The following TRIM37 variants were observed in gnomAD, a reference collection of about 807,000 sequenced individuals.
TRIM37 encodes E3 ubiquitin-protein ligase TRIM37.
In TRIM37, 80 loss-of-function variants were observed where a neutral mutation model predicts 129.8. That is an observed-to-expected ratio of 0.62 (90% CI 0.51 to 0.74). The LOEUF is 0.74. Ranked by LOEUF, TRIM37 falls within the 30% of genes least tolerant of loss-of-function variation. The pLI is 0.00. For missense variants in TRIM37, 1,054 were observed against 1,176.5 expected (o/e 0.90, Z 1.52); for synonymous variants, 389 against 387.1 (o/e 1.00, Z -0.06).
intron 6 of TRIM37, among the ~76,000 whole-genome samples, chr17:59,080,791 C>CA (rs1300839111): frequency 2.0e-5 from 3 of 150,924 alleles, no homozygotes; most frequent in South Asian, 2.1e-4. Context: ...AACTCCATCT[C>CA]AAAAAAAAGA....
At chr17:58,976,378 A>C in the TRIM37 span, among the ~76,000 whole-genome samples, 1 of 152,194 alleles carries the variant, frequency 6.6e-6, no homozygotes, top group South Asian at 2.1e-4. Context: ...CCATTTACCA[A>C]AATCCAGTAG....
At chr17:59,103,624 G>A (rs2045726841) in intron 2 of TRIM37, among the ~76,000 whole-genome samples, 1 of 145,326 alleles carries the variant, frequency 6.9e-6, no homozygotes, top group Non-Finnish European at 1.5e-5. Flanking sequence ...ACAGGCCTGG[G>A]CCACCGCGCT....
At chr17:58,972,569 T>G in the TRIM37 span, among the ~76,000 whole-genome samples, 1 of 152,208 alleles carries the variant, frequency 6.6e-6, no homozygotes, top group Admixed American at 6.5e-5. Flanking sequence ...CAGGCTGGTC[T>G]TGAACTCCTG....
chr17:59,049,316 A>T lies in TRIM37; in HGVS notation c.1392T>A (p.Asn464Lys). The part of the protein sequence containing the change: ...SPPDNHLSPQ[N>K]DDALETRAKK... Reference sequence around the variant, plus strand: ...TAGCTCGTGTCTCCAGAGCATCATCATTTTGGGGGCTAAGATGGTTATCTG... The same window carrying T: ...TAGCTCGTGTCTCCAGAGCATCATCTTTTTGGGGGCTAAGATGGTTATCTG... The change falls in exon 15 of 24, where the codon AAT (asparagine) becomes AAA (lysine). Residue 464 changes from asparagine (N) to lysine (K), a missense_variant. Physicochemically the swap from Asn to Lys is moderately conservative, Grantham distance 94. Around this residue, in one of 3 missense-constraint regions of TRIM37, gnomAD observed 752 missense variants for 870.8 expected, o/e 0.86. Coordinates refer to ENST00000262294, the MANE Select transcript of TRIM37 (RefSeq NM_015294.6). 1 of 1,614,144 alleles carries T rather than the reference A, an allele frequency of 6.2e-7. No individual in the cohort carries two copies.
intron 5 of TRIM37, among the ~76,000 whole-genome samples, chr17:59,081,964 A>AAAAAAAAAAAAAAATAAT (rs1568200247): frequency 3.4e-5 from 3 of 87,216 alleles, no homozygotes; most frequent in Non-Finnish European, 6.5e-5. Context: ...AAAAAAAAAA[A>AAAAAAAAAAAAAAATAAT]AATAATAATA....
chr17:59,069,450 G>C (rs2146722570), intron 9 of TRIM37, among the ~76,000 whole-genome samples: 2 of 152,166 alleles, frequency 1.3e-5, no homozygotes, highest in Non-Finnish European at 2.9e-5. Context: ...AAAAAGAAAA[G>C]GCAGCTCAAC....
chr17:59,083,787 T>TA (rs2147119128), intron 5 of TRIM37, among the ~76,000 whole-genome samples: 1 of 152,304 alleles, frequency 6.6e-6, no homozygotes, highest in South Asian at 2.1e-4. Flanking sequence ...TTATAGGTGT[T>TA]ACAGATTAAA....
At chr17:59,041,720 A>G in intron 17 of TRIM37, 93 bp downstream of exon 17, 4 of 917,284 alleles carry the variant, frequency 4.4e-6, no homozygotes, top group Non-Finnish European at 7.2e-6. Context: ...ACCATGTACA[A>G]GCAGTGGCTA....
intron 17 of TRIM37, among the ~76,000 whole-genome samples, chr17:59,040,963 G>A (rs1347766343): frequency 5.3e-5 from 8 of 151,810 alleles, no homozygotes; most frequent in South Asian, 2.1e-4. Flanking sequence ...GGAGAATGGC[G>A]TGAACCCGGG....
rs370826587 is a variant in TRIM37 at position 59,057,480 on chromosome 17, T to C, written c.1020-426A>G. On this transcript the variant is annotated intron_variant, in intron 12 of 23. Transcript: ENST00000262294. ...ACCTTGGCCTCCCAGTGTGCTGGGA[T>C]TGCAGGCGTGAGCCACCACACCCGG... 1.8e-4 allele frequency among the ~76,000 whole-genome samples: 27 copies of C among 152,342 alleles called. No homozygotes were observed. The South Asian group carries it at 5.0e-3, about 28-fold the overall frequency.
intron 2 of TRIM37, among the ~76,000 whole-genome samples, chr17:59,093,671 T>A (rs905548882): frequency 6.6e-6 from 1 of 152,194 alleles, no homozygotes; most frequent in African/African-American, 2.4e-5. Flanking sequence ...CCAGATCGTA[T>A]TTTAAATGTC....
intron 19 of TRIM37, among the ~76,000 whole-genome samples, chr17:59,023,603 C>T (rs1407716546): frequency 1.3e-5 from 2 of 151,702 alleles, no homozygotes; most frequent in Non-Finnish European, 2.9e-5. Context: ...TGCAGTAAGC[C>T]GAGATAGAGC....
chr17:58,990,468 G>T (rs971242046), intron 24 of TRIM37, among the ~76,000 whole-genome samples: 10 of 151,550 alleles, frequency 6.6e-5, no homozygotes, highest in Non-Finnish European at 1.5e-4. Context: ...TCCAGCCCAG[G>T]TGACAGAGTG....
At chr17:59,047,579 T>C in intron 16 of TRIM37, 104 bp downstream of exon 16, 1 of 1,178,408 alleles carries the variant, frequency 8.5e-7, no homozygotes, top group Non-Finnish European at 1.2e-6. Flanking sequence ...TGATTCAATC[T>C]TTCAAAAAAG....
At chr17:59,050,523 C>T (rs1291237512) in intron 14 of TRIM37, among the ~76,000 whole-genome samples, 1 of 151,718 alleles carries the variant, frequency 6.6e-6, no homozygotes, top group African/African-American at 2.4e-5. Context: ...AGAAACCCAT[C>T]TCCACAAAAA....
chr17:59,097,321 T>C (rs1036638840), intron 2 of TRIM37, among the ~76,000 whole-genome samples: 3 of 151,958 alleles, frequency 2.0e-5, no homozygotes, highest in Admixed American at 1.3e-4. Flanking sequence ...AAATAAAAAG[T>C]ATCCTAATTA....
At chr17:59,026,903 T>C (rs1359467032) in intron 19 of TRIM37, among the ~76,000 whole-genome samples, 1 of 152,202 alleles carries the variant, frequency 6.6e-6, no homozygotes, top group Admixed American at 6.5e-5. Flanking sequence ...TTTTGAGATA[T>C]TATCCCTTCT....
chr17:59,020,122 T>C (rs2145227267), intron 19 of TRIM37, among the ~76,000 whole-genome samples: 1 of 148,106 alleles, frequency 6.8e-6, no homozygotes, highest in Admixed American at 6.9e-5. Flanking sequence ...TCCCAGCTAC[T>C]CAGGAGGCTG....
At chr17:59,081,906 C>T (rs113537465) in intron 5 of TRIM37, among the ~76,000 whole-genome samples, 1,369 of 92,978 alleles carry the variant, frequency 0.015, 25 homozygotes, top group African/African-American at 0.052. Context: ...CTGTCCCCCC[C>T]AAAAAATAAT....
Sources: gnomAD v4.1 joint callset for allele counts (sites outside exome capture counted in the v4.1 genomes callset) on GRCh38, gnomAD v4.1.1 for gene constraint, gnomAD v4.1.1 regional missense constraint, MANE v1.5 for transcripts, NCBI Gene and HGNC (gene_info 2026-07-23, HGNC 2026-07-21) for gene names.